SNRNP35: variants seen among roughly 807,000 people sequenced by gnomAD.
SNRNP35 encodes small nuclear ribonucleoprotein U11/U12 subunit 35.
SNRNP35 carries 16 observed loss-of-function variants against 24.3 expected under a neutral mutation model. That is an observed-to-expected ratio of 0.66 (90% CI 0.45 to 1.00). SNRNP35 has a LOEUF of 1.00. Ranked by LOEUF, SNRNP35 falls within the 50% of genes least tolerant of loss-of-function variation. The probability of loss-of-function intolerance (pLI) is 0.00; values close to 1 mark genes in which losing one functional copy is unlikely to be tolerated. For synonymous variants in SNRNP35, 106 were observed against 124.8 expected (o/e 0.85, Z 1.00); for missense variants, 292 against 327.2 (o/e 0.89, Z 0.83).
chr12:123,470,708 C>G (rs1013528294), downstream of SNRNP35: 1 of 152,208 alleles, frequency 6.6e-6, no homozygotes, highest in South Asian at 2.1e-4. Context: ...TGCTTGAACT[C>G]AAGAGGCGGA....
chr12:123,458,886 G>C, intron 1 of SNRNP35: 1 of 152,020 alleles, frequency 6.6e-6, no homozygotes, highest in Non-Finnish European at 1.5e-5. Flanking sequence ...CAGCCACCGT[G>C]CCCGGCCAGG....
chr12:123,459,759 C>T (rs1008790834), intron 1 of SNRNP35: 3 of 1,341,456 alleles, frequency 2.2e-6, no homozygotes, highest in Admixed American at 2.1e-5. Context: ...TGCACTCCAG[C>T]CTGGGTGACA....
chr12:123,468,160 A>G (rs942605132), downstream of SNRNP35, among the ~76,000 whole-genome samples: 1 of 149,454 alleles, frequency 6.7e-6, no homozygotes, highest in Non-Finnish European at 1.5e-5. Flanking sequence ...GGAGTTCGAG[A>G]CCATCCTGGC....
At chr12:123,462,866 A>T (rs1185341267) in intron 1 of SNRNP35, among the ~76,000 whole-genome samples, 2 of 152,098 alleles carry the variant, frequency 1.3e-5, no homozygotes, top group Non-Finnish European at 2.9e-5. Flanking sequence ...TACTGAGGAA[A>T]GAAAAATTCA....
At position 123,465,369 on chromosome 12, in the gene SNRNP35, T is replaced by C. The variant is rs1188386730; in HGVS notation, c.-3-169T>C. On this transcript the variant is annotated intron_variant, in intron 1 of 1. Coordinates refer to ENST00000526639, the MANE Select transcript of SNRNP35 (RefSeq NM_022717.4). The surrounding 1 kb of genome is among the most constrained non-coding windows in gnomAD (Gnocchi z 4.2). ...GAGCACAACTGCCTGGCTTTGGTGC[T>C]GTCTCCCCCACTTACTAGCAGGGAG... 6.6e-6 allele frequency among the ~76,000 whole-genome samples: 1 copy of C among 152,224 alleles called. No homozygotes were observed. Among genetic ancestry groups the C allele is most frequent in the South Asian group, 2.1e-4 (1 of 4,832 alleles).
intron 1 of SNRNP35, chr12:123,459,349 A>G (rs1880471254): frequency 6.6e-6 from 1 of 152,188 alleles, no homozygotes; most frequent in African/African-American, 2.4e-5. Flanking sequence ...GCTACATTTC[A>G]CAATAAGAAT....
chr12:123,465,927 A>G lies in SNRNP35; in HGVS notation c.387A>G (p.Glu129=), dbSNP rs751524558. 5.0e-6 allele frequency: 8 copies of G among 1,613,964 alleles called. No individual in the cohort carries two copies. In the Admixed American group the frequency reaches 8.3e-5, roughly 17 times the overall value. Reference sequence around the variant, plus strand: ...AGATATTTGTGGACTACGAGCTGGAAAGGACTCTCAAAGGGTGGATCCCTC... The same window carrying G: ...AGATATTTGTGGACTACGAGCTGGAGAGGACTCTCAAAGGGTGGATCCCTC... ...QHEIFVDYEL[E]RTLKGWIPRR... is the part of the protein sequence containing the mutation. Residue 129 remains glutamate (E), a synonymous_variant, in exon 2 of 2, where the codon GAA becomes GAG. Coordinates refer to ENST00000526639, the MANE Select transcript of SNRNP35 (RefSeq NM_022717.4). This position sits in a 1 kb window ranked among gnomAD's most constrained non-coding sequence, Gnocchi z 4.2.
At chr12:123,463,165 ATCC>A (rs1880728045) in intron 1 of SNRNP35, among the ~76,000 whole-genome samples, 1 of 152,048 alleles carries the variant, frequency 6.6e-6, no homozygotes, top group South Asian at 2.1e-4. Context: ...GGCTCAAGCC[ATCC>A]TCCTGTCTTA....
In SNRNP35 at chr12:123,465,913, G is replaced by A; in HGVS notation, c.373G>A (p.Asp125Asn). The A allele has an allele frequency of 6.2e-7, 1 of 1,613,998 alleles. No individual in the cohort carries two copies. The highest frequency in any genetic ancestry group is 8.5e-7 in the Non-Finnish European group (1 of 1,180,000). The change falls in exon 2 of 2, where the codon GAC becomes AAC. Residue 125 changes from aspartate to asparagine, a missense_variant. By Grantham distance (23) the Asp-to-Asn change is conservative. Transcript: ENST00000526639. The surrounding 1 kb of genome is among the most constrained non-coding windows in gnomAD (Gnocchi z 4.2). ...TATTGACCAGCATGAGATATTTGTGGACTACGAGCTGGAAAGGACTCTCAA... is the reference window on the plus strand; with the variant it reads ...TATTGACCAGCATGAGATATTTGTGAACTACGAGCTGGAAAGGACTCTCAA... The part of the protein sequence containing the change: ...LVIDQHEIFV[D>N]YELERTLKGW...
In SNRNP35 at chr12:123,466,242, C is replaced by T. The variant is rs1029936336; in HGVS notation, c.702C>T (p.Asp234=). The T allele has an allele frequency of 2.6e-6, 4 of 1,536,328 alleles. No individual in the cohort carries two copies. The Admixed American group carries it at 8.7e-5, about 33-fold the overall frequency. Residue 234 remains aspartate, a synonymous_variant, in exon 2 of 2, where the codon GAC becomes GAT. Coordinates refer to ENST00000526639, the MANE Select transcript of SNRNP35 (RefSeq NM_022717.4). ...AGAGAGAGAGGGACTTCAGAGATGA[C>T]AGGATCAAGGGGAGGGAGAAGAAGG... ...DWERERDFRD[D]RIKGREKKER...
At chr12:123,467,948 A>G (rs931574734), downstream of SNRNP35, among the ~76,000 whole-genome samples, 2 of 152,214 alleles carry the variant, frequency 1.3e-5, no homozygotes, top group Non-Finnish European at 2.9e-5. Flanking sequence ...ATTGTCTAGA[A>G]AACAAGACTG....
At chr12:123,458,322 C>G (rs1210146831) in intron 1 of SNRNP35, 106 bp downstream of exon 1, 1 of 744,984 alleles carries the variant, frequency 1.3e-6, no homozygotes, top group African/African-American at 1.9e-5. Flanking sequence ...CATGTTGAAA[C>G]CTGGCAAAGG....
At chr12:123,468,310 G>C (rs969500463), downstream of SNRNP35, among the ~76,000 whole-genome samples, 6 of 136,874 alleles carry the variant, frequency 4.4e-5, no homozygotes, top group Admixed American at 8.2e-5. Flanking sequence ...AGTGAGCCAA[G>C]ACCGGACCAC....
exon 2 of SNRNP35, chr12:123,472,535 A>G: frequency 1.9e-6 from 3 of 1,550,980 alleles, no homozygotes; most frequent in South Asian, 1.2e-5. Context: ...AGATGGGCCA[A>G]GGTCACAGAT....
chr12:123,458,567 T>A (rs1227870686), intron 1 of SNRNP35, among the ~76,000 whole-genome samples: 2 of 151,596 alleles, frequency 1.3e-5, no homozygotes, highest in Admixed American at 1.3e-4. Flanking sequence ...GCCTTCAGTT[T>A]TGCTTTTCAC....
At chr12:123,472,691 G>A in exon 2 of SNRNP35, 3 of 1,592,122 alleles carry the variant, frequency 1.9e-6, no homozygotes, top group South Asian at 2.3e-5. Flanking sequence ...ACCTTTGGAA[G>A]GGAAAGCAAA....
intron 1 of SNRNP35, among the ~76,000 whole-genome samples, chr12:123,460,471 A>G (rs796695155): frequency 3.3e-5 from 5 of 152,000 alleles, no homozygotes; most frequent in African/African-American, 1.2e-4. Context: ...AGAGGAGTTA[A>G]GAGGTTAGTA....
At chr12:123,472,927 A>T (rs920179233) in exon 2 of SNRNP35, 4 of 467,010 alleles carry the variant, frequency 8.6e-6, no homozygotes, top group Non-Finnish European at 1.6e-5. Flanking sequence ...TGCTGATGTG[A>T]TGTGTGAGGT....
intron 1 of SNRNP35, among the ~76,000 whole-genome samples, chr12:123,462,411 C>T (rs900468106): frequency 6.6e-6 from 1 of 151,810 alleles, no homozygotes; most frequent in African/African-American, 2.4e-5. Flanking sequence ...AGTTTACAAA[C>T]AGGCTTTGTT....
Sources: allele counts gnomAD v4.1 joint callset (sites outside exome capture counted in the v4.1 genomes callset), GRCh38; gene constraint gnomAD v4.1.1; non-coding constraint Gnocchi (gnomAD v3.1); transcripts MANE v1.5; gene names NCBI Gene and HGNC (gene_info 2026-07-23, HGNC 2026-07-21).